The following GRIN2A variants were observed in gnomAD, a reference collection of about 807,000 sequenced individuals.
The protein encoded by GRIN2A is glutamate receptor ionotropic, NMDA 2A.
GRIN2A carries 22 observed loss-of-function variants against 113.4 expected under a neutral mutation model. The ratio of observed to expected loss-of-function variants is 0.19; its 90% confidence interval spans 0.14 to 0.28. The LOEUF is 0.28. GRIN2A is among the 10% of genes least tolerant of loss of function. The probability of loss-of-function intolerance (pLI) is 1.00; values close to 1 mark genes in which losing one functional copy is unlikely to be tolerated. For synonymous variants in GRIN2A, 827 were observed against 738.4 expected (o/e 1.12, Z -1.94); for missense variants, 1,502 against 1,887.0 (o/e 0.80, Z 3.78).
chr16:9,933,588 C>T (rs924794299), intron 3 of GRIN2A, among the ~76,000 whole-genome samples: 32 of 152,164 alleles, frequency 2.1e-4, no homozygotes. Flanking sequence ...GACCTTAATC[C>T]AGCTGCAAAT....
chr16:10,072,720 C>A (rs72774125), intron 2 of GRIN2A, among the ~76,000 whole-genome samples: 14,470 of 152,160 alleles, frequency 0.095, 769 homozygotes, highest in African/African-American at 0.11. Flanking sequence ...ACATGTGCAT[C>A]CTAGGCTCTA....
chr16:9,951,167 G>A (rs1354149100), intron 2 of GRIN2A, among the ~76,000 whole-genome samples: 1 of 152,004 alleles, frequency 6.6e-6, no homozygotes, highest in Non-Finnish European at 1.5e-5. Context: ...TCTTCCTCTG[G>A]AAGCAATGCA....
At chr16:9,892,002 G>A (rs1006297832) in intron 3 of GRIN2A, among the ~76,000 whole-genome samples, 3 of 152,152 alleles carry the variant, frequency 2.0e-5, no homozygotes, top group Non-Finnish European at 2.9e-5. Flanking sequence ...GCTGAGGTAG[G>A]GGAATCACCT....
At chr16:9,905,523 C>T (rs1024055519) in intron 3 of GRIN2A, among the ~76,000 whole-genome samples, 3 of 152,198 alleles carry the variant, frequency 2.0e-5, no homozygotes, top group Non-Finnish European at 2.9e-5. Context: ...AACCGATCTA[C>T]TGGCTGCTCA....
intron 11 of GRIN2A, among the ~76,000 whole-genome samples, chr16:9,780,425 T>C (rs1410493638): frequency 6.6e-6 from 1 of 152,214 alleles, no homozygotes; most frequent in Non-Finnish European, 1.5e-5. Flanking sequence ...TGTGGTTACA[T>C]GCAGTAATAT....
chr16:9,818,879 T>C (rs1274908554), intron 10 of GRIN2A, among the ~76,000 whole-genome samples: 1 of 152,210 alleles, frequency 6.6e-6, no homozygotes, highest in Non-Finnish European at 1.5e-5. Flanking sequence ...TTTCAAGAAA[T>C]TTATTCTACA....
intron 2 of GRIN2A, among the ~76,000 whole-genome samples, chr16:9,972,370 C>A (rs2045689678): frequency 1.3e-5 from 2 of 151,894 alleles, no homozygotes; most frequent in Admixed American, 1.3e-4. Flanking sequence ...GAAATCTGAC[C>A]CATTCTCAAG....
intron 2 of GRIN2A, among the ~76,000 whole-genome samples, chr16:10,160,151 G>A (rs1470441787): frequency 6.6e-6 from 1 of 152,228 alleles, no homozygotes; most frequent in Non-Finnish European, 1.5e-5. Flanking sequence ...ATTTATTACA[G>A]CAGCTGTAGT....
chr16:10,159,703 T>TTAGA (rs1461031583), intron 2 of GRIN2A, among the ~76,000 whole-genome samples: 2 of 152,090 alleles, frequency 1.3e-5, no homozygotes, highest in African/African-American at 2.4e-5. Context: ...AGGTATTATT[T>TTAGA]TAGATAGATA....
chr16:9,983,937 T>C (rs1320612533), intron 2 of GRIN2A, among the ~76,000 whole-genome samples: 2 of 152,240 alleles, frequency 1.3e-5, no homozygotes, highest in Non-Finnish European at 2.9e-5. Context: ...ATGGGGTTGC[T>C]GGATCATACA....
rs187424679 is a variant in GRIN2A at position 10,019,217 on chromosome 16, C to T, written c.415-80666G>A. Among the ~76,000 whole-genome samples the T allele has an allele frequency of 2.2e-3, 328 of 152,134 alleles. 7 individuals carry two copies. The highest frequency in any genetic ancestry group is 0.019 in the Admixed American group (286 of 15,284). ...ACACTAACAGTACCTTCATGTGTGG[C>T]GAGTATAAGGATAAAATAAGATATA... On this transcript the variant is annotated intron_variant, in intron 2 of 12. Transcript: ENST00000330684.
At chr16:10,157,266 T>A (rs2049717449) in intron 2 of GRIN2A, among the ~76,000 whole-genome samples, 1 of 152,182 alleles carries the variant, frequency 6.6e-6, no homozygotes, top group Non-Finnish European at 1.5e-5. Flanking sequence ...GATTGTTTTA[T>A]GTCTTACTTA....
chr16:9,823,688 C>A (rs1415880213), intron 9 of GRIN2A, among the ~76,000 whole-genome samples: 1 of 152,098 alleles, frequency 6.6e-6, no homozygotes, highest in East Asian at 1.9e-4. Flanking sequence ...GGTAGTTAAT[C>A]TTAGAGGCTG....
At chr16:9,915,333 G>T (rs1194902198) in intron 3 of GRIN2A, among the ~76,000 whole-genome samples, 5 of 152,042 alleles carry the variant, frequency 3.3e-5, no homozygotes, top group Non-Finnish European at 4.4e-5. Context: ...TCAAAACTGG[G>T]AGGACTTGAA....
At chr16:9,889,473 T>C (rs61092189) in intron 4 of GRIN2A, among the ~76,000 whole-genome samples, 5,038 of 152,220 alleles carry the variant, frequency 0.033, 297 homozygotes, top group African/African-American at 0.11. Flanking sequence ...GATTTTTACT[T>C]GTGTATTTAT....
intron 7 of GRIN2A, 123 bp from the exon 8 acceptor site, chr16:9,834,353 C>A: frequency 1.2e-6 from 1 of 855,760 alleles, no homozygotes. Flanking sequence ...GAATCTGATC[C>A]TTCAAAAGAA....
chr16:10,064,866 T>C lies in GRIN2A; in HGVS notation c.414+115132A>G, dbSNP rs1318313570. On this transcript the variant is annotated intron_variant, in intron 2 of 12. Coordinates refer to ENST00000330684, the MANE Select transcript of GRIN2A (RefSeq NM_001134407.3). ...CAAGATTGATATTCAGCTGGTTGTTTATGGCTGGCAAGCATTCACACGGTC... is the reference window on the plus strand; with the variant it reads ...CAAGATTGATATTCAGCTGGTTGTTCATGGCTGGCAAGCATTCACACGGTC... 2.0e-5 allele frequency among the ~76,000 whole-genome samples: 3 copies of C among 152,310 alleles called. No homozygotes were observed. In the East Asian group the frequency reaches 5.8e-4, roughly 29 times the overall value.
chr16:10,050,775 G>C (rs912880108), intron 2 of GRIN2A, among the ~76,000 whole-genome samples: 1 of 152,022 alleles, frequency 6.6e-6, no homozygotes, highest in Non-Finnish European at 1.5e-5. Context: ...CTGGTCCCTG[G>C]TGCCAAAAAG....
At chr16:10,103,582 C>A (rs1304808870) in intron 2 of GRIN2A, among the ~76,000 whole-genome samples, 1 of 152,142 alleles carries the variant, frequency 6.6e-6, no homozygotes, top group Non-Finnish European at 1.5e-5. Context: ...GCAGCTGAAG[C>A]AATACCTATC....
Sources: gnomAD v4.1 joint callset for allele counts (sites outside exome capture counted in the v4.1 genomes callset) on GRCh38, gnomAD v4.1.1 for gene constraint, MANE v1.5 for transcripts, NCBI Gene and HGNC (gene_info 2026-07-23, HGNC 2026-07-21) for gene names.